Variants in FA2H observed in about 807,000 individuals in gnomAD.
The protein encoded by FA2H is fatty acid 2-hydroxylase.
Under a neutral mutation model 44.9 loss-of-function variants are expected in FA2H, and 22 were observed. The observed-to-expected ratio is 0.49, with a 90% confidence interval of 0.35 to 0.70. The LOEUF (loss-of-function observed/expected upper bound fraction) is 0.70. FA2H is among the 30% of genes least tolerant of loss of function. The pLI is 0.01. For missense variants in FA2H, 501 were observed against 504.9 expected, an observed-to-expected ratio of 0.99 and a Z score of 0.07; for synonymous variants, 243 against 213.2, an observed-to-expected ratio of 1.14 and a Z score of -1.22.
intron 1 of FA2H, among the ~76,000 whole-genome samples, chr16:74,748,137 A>G (rs1388075525): frequency 2.0e-5 from 3 of 152,166 alleles, no homozygotes; most frequent in African/African-American, 4.8e-5. Context: ...GTCCGTTCCT[A>G]GCCCACTGCT....
Position 74,772,848 on chromosome 16 carries a change from A to C in FA2H, c.270+1638T>G, listed in dbSNP as rs186602298. 1.1e-4 allele frequency among the ~76,000 whole-genome samples: 17 copies of C among 152,154 alleles called. No individual in the cohort carries two copies. In the East Asian group the frequency reaches 3.3e-3, roughly 29 times the overall value. On this transcript the variant is annotated intron_variant, in intron 1 of 6. Coordinates refer to ENST00000219368, the MANE Select transcript of FA2H (RefSeq NM_024306.5). ...CCAATGCCACATCACCACACCTGTCATTCACCTCACTCCAACCCATCATGT... is the reference window on the plus strand; with the variant it reads ...CCAATGCCACATCACCACACCTGTCCTTCACCTCACTCCAACCCATCATGT...
chr16:74,713,328 A>G lies in FA2H; in HGVS notation c.*862T>C, dbSNP rs1351459298. The G allele has an allele frequency of 6.6e-6, 1 of 152,614 alleles. No homozygotes were observed. Among genetic ancestry groups the G allele is most frequent in the Non-Finnish European group, 1.5e-5 (1 of 68,056 alleles). The allele number at this position is 152,614 out of a possible 1,614,324, so 9.5% of individuals were successfully genotyped here. On this transcript the variant is annotated 3_prime_UTR_variant, in exon 7 of 7. Coordinates refer to ENST00000219368, the MANE Select transcript of FA2H (RefSeq NM_024306.5). ...AGCAGTGAGGGTTTTGGTTACGAGG[A>G]GGAAGGGGCAGGAACCTCATCTGCG...
intron 1 of FA2H, among the ~76,000 whole-genome samples, chr16:74,752,173 G>C (rs1962537500): frequency 6.6e-6 from 1 of 152,226 alleles, no homozygotes; most frequent in Non-Finnish European, 1.5e-5. Context: ...TCTGCCACCT[G>C]GACAATAGCA....
chr16:74,754,676 C>T (rs924474703), intron 1 of FA2H, among the ~76,000 whole-genome samples: 4 of 151,808 alleles, frequency 2.6e-5, no homozygotes, highest in South Asian at 2.1e-4. Context: ...TACAGGTGCA[C>T]GCCACCACAT....
At chr16:74,762,084 C>G (rs530444098) in intron 1 of FA2H, among the ~76,000 whole-genome samples, 259 of 151,984 alleles carry the variant, frequency 1.7e-3, no homozygotes, top group African/African-American at 5.6e-3. Flanking sequence ...TCACTGTCAC[C>G]CAGGCTGGAG....
chr16:74,765,361 T>G (rs1190590529), intron 1 of FA2H, among the ~76,000 whole-genome samples: 1 of 152,192 alleles, frequency 6.6e-6, no homozygotes, highest in East Asian at 1.9e-4. Context: ...TTCACCATGT[T>G]GGCCAGGCTG....
chr16:74,733,525 G>T (rs1272405432), intron 2 of FA2H, among the ~76,000 whole-genome samples: 1 of 152,090 alleles, frequency 6.6e-6, no homozygotes, highest in Non-Finnish European at 1.5e-5. Context: ...CTTGATTTAG[G>T]TGGTACATGC....
chr16:74,719,141 G>T lies in FA2H; in HGVS notation c.633C>A (p.Pro211=). The change falls in exon 5 of 7, where the codon CCC becomes CCA. Residue 211 remains proline (P), a synonymous_variant. Transcript: ENST00000219368. ...SFTTEYTVAV[P]KSMFPGLFML... is the part of the protein sequence containing the mutation. ...TGAAGAGCCCGGGGAACATGGACTT[G>T]GGCACTGCCACCGTGTACTCTGCAG... 1.2e-6 allele frequency: 2 copies of T among 1,613,510 alleles called. No homozygotes were observed. Among genetic ancestry groups the T allele is most frequent in the Non-Finnish European group, 1.7e-6 (2 of 1,180,012 alleles).
chr16:74,718,883 C>A, intron 5 of FA2H, 105 bp downstream of exon 5: 1 of 1,368,648 alleles, frequency 7.3e-7, no homozygotes, highest in Non-Finnish European at 1.0e-6. Context: ...TCCCAACCCA[C>A]AGCCAGACTC....
intron 1 of FA2H, among the ~76,000 whole-genome samples, chr16:74,770,371 GTTTT>G (rs1962882875): frequency 6.6e-6 from 1 of 151,708 alleles, no homozygotes; most frequent in African/African-American, 2.4e-5. Flanking sequence ...TCTCCCACAA[GTTTT>G]TTGTTTGTTT....
intron 1 of FA2H, among the ~76,000 whole-genome samples, chr16:74,764,031 G>C (rs1962761018): frequency 6.6e-6 from 1 of 152,180 alleles, no homozygotes; most frequent in Admixed American, 6.5e-5. Flanking sequence ...AAAGTACTGA[G>C]TTGGAAGTTC....
intron 1 of FA2H, among the ~76,000 whole-genome samples, chr16:74,742,300 C>T (rs1352272921): frequency 6.6e-6 from 1 of 152,160 alleles, no homozygotes; most frequent in Non-Finnish European, 1.5e-5. Context: ...GGTGCATCTG[C>T]CCACCCTGCC....
At chr16:74,726,998 A>T (rs181754281) in intron 3 of FA2H, among the ~76,000 whole-genome samples, 1 of 152,310 alleles carries the variant, frequency 6.6e-6, no homozygotes, top group South Asian at 2.1e-4. Flanking sequence ...TCCTCATAAG[A>T]GTCTGGAATA....
At position 74,774,586 on chromosome 16, in the gene FA2H, TCCTGGCCCGC is replaced by T. The variant is rs794729214; in HGVS notation, c.160_169del (p.Ala54ThrfsTer42). ...CGGCCCGTCCAGGTCGGCGCTGATG[TCCTGGCCCGC>T]CCTGGCCCGCAGCAGCTGCTCGCCC... is the stretch of plus-strand genomic sequence containing the variant. On this transcript the variant is annotated frameshift_variant, in exon 1 of 7. Coordinates refer to ENST00000219368, the MANE Select transcript of FA2H (RefSeq NM_024306.5). LOFTEE classifies it high-confidence loss of function. 3 of 1,534,360 alleles carry T rather than the reference TCCTGGCCCGC, an allele frequency of 2.0e-6. No individual in the cohort carries two copies. The highest frequency in any genetic ancestry group is 2.6e-6 in the Non-Finnish European group (3 of 1,150,024).
chr16:74,735,302 C>T (rs948758850), intron 2 of FA2H, among the ~76,000 whole-genome samples: 3 of 152,072 alleles, frequency 2.0e-5, no homozygotes, highest in Admixed American at 6.6e-5. Context: ...CTCTTGGTGG[C>T]GTTGCCGGAG....
intron 1 of FA2H, among the ~76,000 whole-genome samples, chr16:74,759,449 A>T (rs1353029992): frequency 6.6e-6 from 1 of 152,182 alleles, no homozygotes; most frequent in Non-Finnish European, 1.5e-5. Context: ...TGTGGGTGAG[A>T]TCAAGAGTGG....
At chr16:74,762,935 A>T (rs1962739888) in intron 1 of FA2H, among the ~76,000 whole-genome samples, 1 of 152,306 alleles carries the variant, frequency 6.6e-6, no homozygotes, top group East Asian at 1.9e-4. Context: ...TCCAACCAGC[A>T]GAAGTCATTA....
intron 6 of FA2H, among the ~76,000 whole-genome samples, chr16:74,715,671 ATC>A (rs1239472581): frequency 6.6e-6 from 1 of 152,200 alleles, no homozygotes; most frequent in African/African-American, 2.4e-5. Context: ...AATTCTTTTC[ATC>A]TGTTTATTTT....
Position 74,774,607 on chromosome 16 carries a change from A to G in FA2H, c.149T>C (p.Leu50Pro). Residue 50 changes from leucine (L) to proline (P), a missense_variant, in exon 1 of 7, where the codon CTG becomes CCG. Leu to Pro is a moderately conservative substitution (Grantham distance 98). Coordinates refer to ENST00000219368, the MANE Select transcript of FA2H (RefSeq NM_024306.5). ...VRHHPGGEQL[L>P]RARAGQDISA... ...GATGTCCTGGCCCGCCCTGGCCCGC[A>G]GCAGCTGCTCGCCCCCCGGGTGGTG... 6.6e-7 allele frequency: 1 copy of G among 1,523,086 alleles called. No homozygotes were observed. Among genetic ancestry groups the G allele is most frequent in the East Asian group, 2.6e-5 (1 of 37,864 alleles). The allele number at this position is 1,523,086 out of a possible 1,614,324, so 94.3% of individuals were successfully genotyped here.
Sources: allele counts gnomAD v4.1 joint callset (sites outside exome capture counted in the v4.1 genomes callset), GRCh38; gene constraint gnomAD v4.1.1; transcripts MANE v1.5; gene names NCBI Gene and HGNC (gene_info 2026-07-23, HGNC 2026-07-21).